Variants in RBFOX3 observed in about 807,000 individuals in gnomAD.
RBFOX3 encodes the protein RNA binding protein fox-1 homolog 3.
Under a neutral mutation model 48.7 loss-of-function variants are expected in RBFOX3, and 17 were observed. That is an observed-to-expected ratio of 0.35 (90% CI 0.24 to 0.52). RBFOX3 has a LOEUF of 0.52. Ranked by LOEUF, RBFOX3 falls within the 20% of genes least tolerant of loss-of-function variation. The probability of loss-of-function intolerance (pLI) is 0.94; values close to 1 mark genes in which losing one functional copy is unlikely to be tolerated. For missense variants in RBFOX3, 382 were observed against 497.5 expected (o/e 0.77, Z 2.21); for synonymous variants, 212 against 209.5 (o/e 1.01, Z -0.10).
chr17:79,296,147 A>T (rs536024955), intron 3 of RBFOX3, among the ~76,000 whole-genome samples: 1 of 152,278 alleles, frequency 6.6e-6, no homozygotes, highest in Admixed American at 6.5e-5. Context: ...GACACAGCCA[A>T]ATTTCACAGC....
Position 79,362,980 on chromosome 17 carries a change from G to A in RBFOX3, c.-174-55156C>T, listed in dbSNP as rs556064790. 7.2e-5 allele frequency among the ~76,000 whole-genome samples: 11 copies of A among 152,202 alleles called. No individual in the cohort carries two copies. The highest frequency in any genetic ancestry group is 1.2e-4 in the African/African-American group (5 of 41,450). ...TCCAGGACCCCTCTAGGGTTGGAGC[G>A]GGGTAAGCCCCAGAATATCTCACAA... On this transcript the variant is annotated intron_variant, in intron 2 of 14. Coordinates refer to ENST00000693108, the MANE Select transcript of RBFOX3 (RefSeq NM_001350451.2). This position sits in a 1 kb window ranked among gnomAD's most constrained non-coding sequence, Gnocchi z 4.2.
the RBFOX3 span, among the ~76,000 whole-genome samples, chr17:79,661,423 G>C: frequency 6.6e-6 from 1 of 152,312 alleles, no homozygotes; most frequent in Middle Eastern, 3.4e-3. Context: ...GTGCTGTTTA[G>C]TGTTTAGTGT....
chr17:79,097,382 T>A lies in RBFOX3; in HGVS notation c.665A>T (p.Tyr222Phe), dbSNP rs1568119836. Reference protein sequence around the residue: ...PYPTTGTAVAYRGAHLRGRGR... With the variant: ...PYPTTGTAVAFRGAHLRGRGR... The stretch of plus-strand genomic sequence containing the variant: ...CCGGCCCCGAAGATGTGCGCCCCGG[T>A]AGGCAACGGCTGTGCCGGTGGTGGG... Residue 222 changes from tyrosine (Y) to phenylalanine (F), a missense_variant, in exon 11 of 15, where the codon TAC (tyrosine) becomes TTC (phenylalanine). Transcript: ENST00000693108. 8 of 1,547,566 alleles carry A rather than the reference T, an allele frequency of 5.2e-6. No homozygotes were observed. Among genetic ancestry groups the A allele is most frequent in the Non-Finnish European group, 7.0e-6 (8 of 1,146,016 alleles).
chr17:79,246,901 C>T (rs994968511), intron 3 of RBFOX3, among the ~76,000 whole-genome samples: 7 of 152,092 alleles, frequency 4.6e-5, no homozygotes, highest in Non-Finnish European at 1.0e-4. Flanking sequence ...GAAAAGGAGC[C>T]GAGTTAATAC....
At chr17:79,414,448 A>C (rs898887463) in intron 2 of RBFOX3, among the ~76,000 whole-genome samples, 1 of 152,148 alleles carries the variant, frequency 6.6e-6, no homozygotes, top group Non-Finnish European at 1.5e-5. Flanking sequence ...AAAGCCCCTC[A>C]GCGTGTATTT....
chr17:79,308,305 G>A (rs917088202), intron 2 of RBFOX3, among the ~76,000 whole-genome samples: 1 of 152,228 alleles, frequency 6.6e-6, no homozygotes. Context: ...GGCGTGGGTT[G>A]AGCAGCCCTC....
chr17:79,324,778 C>T (rs753776699), intron 2 of RBFOX3, among the ~76,000 whole-genome samples: 3 of 152,312 alleles, frequency 2.0e-5, no homozygotes, highest in East Asian at 1.9e-4. Context: ...AACCTGCACC[C>T]GTGGGAGGCA....
At chr17:79,459,904 G>A (rs1377193157) in intron 2 of RBFOX3, among the ~76,000 whole-genome samples, 2 of 152,150 alleles carry the variant, frequency 1.3e-5, no homozygotes, top group Non-Finnish European at 2.9e-5. Context: ...ATAGTCAAAC[G>A]TCCCTTGATG....
chr17:79,498,945 C>T (rs571230611), intron 1 of RBFOX3, among the ~76,000 whole-genome samples: 1 of 151,810 alleles, frequency 6.6e-6, no homozygotes, highest in African/African-American at 2.4e-5. Flanking sequence ...TCCACTCACC[C>T]ACCCATGCAT....
chr17:79,495,719 A>G (rs1417529813), intron 1 of RBFOX3, among the ~76,000 whole-genome samples: 2 of 104,148 alleles, frequency 1.9e-5, no homozygotes, highest in Non-Finnish European at 3.9e-5. Context: ...ACAGGGGTGC[A>G]GATGGAGGGA....
At chr17:79,182,862 G>C (rs1654363196) in intron 4 of RBFOX3, among the ~76,000 whole-genome samples, 1 of 149,812 alleles carries the variant, frequency 6.7e-6, no homozygotes, top group South Asian at 2.1e-4. Flanking sequence ...CTTTCCCGAC[G>C]CTGCCAGGGA....
chr17:79,371,216 G>C (rs1186277012), intron 2 of RBFOX3, among the ~76,000 whole-genome samples: 1 of 152,254 alleles, frequency 6.6e-6, no homozygotes, highest in African/African-American at 2.4e-5. Context: ...CCTCCATGGG[G>C]CAGATTAACC....
chr17:79,361,523 GCTCT>G lies in RBFOX3; in HGVS notation c.-174-53703_-174-53700del, dbSNP rs762128679. On this transcript the variant is annotated intron_variant, in intron 2 of 14. Transcript: ENST00000693108. The surrounding 1 kb of genome is among the most constrained non-coding windows in gnomAD (Gnocchi z 4.5). ...CACCTCCTGCCCCTGAGCCCGCGTG[GCTCT>G]CTGTGCCACAGCTGGAGAGGGCCCA... Among the ~76,000 whole-genome samples the G allele has an allele frequency of 7.0e-4, 106 of 152,332 alleles. No individual in the cohort carries two copies. The highest frequency in any genetic ancestry group is 1.3e-3 in the Non-Finnish European group (89 of 68,026).
chr17:79,092,438 GAA>G, intron 14 of RBFOX3: 1 of 985,786 alleles, frequency 1.0e-6, no homozygotes. Context: ...TGGCTGGAGA[GAA>G]ATAATCTATA....
chr17:79,097,622 C>A, intron 10 of RBFOX3, 70 bp downstream of exon 10: 1 of 1,386,162 alleles, frequency 7.2e-7, no homozygotes, highest in Non-Finnish European at 9.9e-7. Context: ...GCCCCGCCCC[C>A]AGAGCCCCCG....
rs146435391 is a variant in RBFOX3 at position 79,243,376 on chromosome 17, C to T, written c.-73-7571G>A. 8.0e-3 allele frequency among the ~76,000 whole-genome samples: 1,215 copies of T among 152,286 alleles called. 19 individuals are homozygous for T. Among genetic ancestry groups the T allele is most frequent in the African/African-American group, 0.028 (1,145 of 41,568 alleles). On this transcript the variant is annotated intron_variant, in intron 3 of 14. Coordinates refer to ENST00000693108, the MANE Select transcript of RBFOX3 (RefSeq NM_001350451.2). The surrounding 1 kb of genome is among the most constrained non-coding windows in gnomAD (Gnocchi z 7.9). The stretch of plus-strand genomic sequence containing the variant: ...GCCGGGTCTAACTCCAACCTGCCTC[C>T]CACCCCAGCACTTGTGCAGCCTCAA...
chr17:79,276,554 G>A (rs527759438), intron 3 of RBFOX3, among the ~76,000 whole-genome samples: 1 of 152,144 alleles, frequency 6.6e-6, no homozygotes, highest in South Asian at 2.1e-4. Flanking sequence ...GTCTGGTGGT[G>A]GGCGCCTGTA....
intron 4 of RBFOX3, among the ~76,000 whole-genome samples, chr17:79,207,707 T>G (rs1599984508): frequency 6.6e-6 from 1 of 152,208 alleles, no homozygotes; most frequent in African/African-American, 2.4e-5. Context: ...CAAGTCTCTG[T>G]GCTGCCCTCT....
At chr17:79,561,634 C>A (rs1374732111) in intron 1 of RBFOX3, among the ~76,000 whole-genome samples, 2 of 152,152 alleles carry the variant, frequency 1.3e-5, no homozygotes, top group African/African-American at 2.4e-5. Flanking sequence ...TATGCAGACC[C>A]CTCGAGGCAA....
Sources: gnomAD v4.1 joint callset for allele counts (sites outside exome capture counted in the v4.1 genomes callset) on GRCh38, gnomAD v4.1.1 for gene constraint, Gnocchi (gnomAD v3.1) non-coding constraint, MANE v1.5 for transcripts, NCBI Gene and HGNC (gene_info 2026-07-23, HGNC 2026-07-21) for gene names.